Variants in KIF5A observed in about 807,000 individuals in gnomAD.
KIF5A encodes kinesin heavy chain isoform 5A.
A neutral mutation model predicts 141.3 loss-of-function variants in KIF5A; 35 were observed. That is an observed-to-expected ratio of 0.25 (90% CI 0.19 to 0.33). KIF5A has a LOEUF of 0.33. Ranked by LOEUF, KIF5A falls within the 10% of genes least tolerant of loss-of-function variation. The pLI, the probability that KIF5A is intolerant of heterozygous loss-of-function variation, is 1.00. For synonymous variants in KIF5A, 448 were observed against 500.2 expected, an observed-to-expected ratio of 0.90 and a Z score of 1.39; for missense variants, 861 against 1,314.3, an observed-to-expected ratio of 0.66 and a Z score of 5.33.
chr12:57,565,161 T>A (rs1226822583), intron 6 of KIF5A, among the ~76,000 whole-genome samples, 188 bp downstream of exon 6: 3 of 152,206 alleles, frequency 2.0e-5, no homozygotes, highest in Non-Finnish European at 4.4e-5. Flanking sequence ...GGCTCATACC[T>A]GTAATCCCAG....
chr12:57,564,781 C>A, intron 5 of KIF5A, 137 bp from the exon 6 acceptor site: 2 of 859,728 alleles, frequency 2.3e-6, no homozygotes, highest in South Asian at 2.8e-5. Context: ...GCCTTCAGCT[C>A]GTGCAGGGAG....
At chr12:57,580,567 G>A (rs1057256988) in intron 23 of KIF5A, among the ~76,000 whole-genome samples, 1 of 152,174 alleles carries the variant, frequency 6.6e-6, no homozygotes, top group African/African-American at 2.4e-5. Context: ...CTCTGGGGAA[G>A]CGGGTCCCTC....
chr12:57,580,172 C>T (rs541928567), intron 23 of KIF5A, among the ~76,000 whole-genome samples: 5 of 152,282 alleles, frequency 3.3e-5, no homozygotes, highest in East Asian at 1.9e-4. Flanking sequence ...CTGATTTACC[C>T]GCTGTCTTCC....
chr12:57,582,565 T>C (rs1334041417), intron 26 of KIF5A, 37 bp from the exon 27 acceptor site: 1 of 1,585,342 alleles, frequency 6.3e-7, no homozygotes, highest in Admixed American at 1.7e-5. Context: ...CCTTTTTTCT[T>C]CTTCTAATCC....
At chr12:57,556,173 C>G (rs1881736040) in intron 1 of KIF5A, among the ~76,000 whole-genome samples, 1 of 150,058 alleles carries the variant, frequency 6.7e-6, no homozygotes, top group Admixed American at 6.7e-5. Flanking sequence ...GAGTCTCGCT[C>G]TGTCACCCAG....
chr12:57,569,376 A>C lies in KIF5A; in HGVS notation c.940A>C (p.Thr314Pro). The part of the protein sequence containing the change: ...CSPSSYNDAE[T>P]KSTLMFGQRA... ...ACCATCCAGTTATAATGATGCAGAG[A>C]CCAAGTCCACCCTGATGTTTGGGCA... The change falls in exon 10 of 29, where the codon ACC becomes CCC. Residue 314 changes from threonine to proline, a missense_variant. This residue lies in a region of KIF5A where 146 missense variants were observed against 353.4 expected (regional missense o/e 0.41). Transcript: ENST00000455537. 6.2e-7 allele frequency: 1 copy of C among 1,613,988 alleles called. No homozygotes were observed. The highest frequency in any genetic ancestry group is 8.5e-7 in the Non-Finnish European group (1 of 1,179,972).
At chr12:57,565,377 C>T (rs147792242) in intron 6 of KIF5A, among the ~76,000 whole-genome samples, 42 of 151,966 alleles carry the variant, frequency 2.8e-4, no homozygotes, top group African/African-American at 9.6e-4. Flanking sequence ...GCCGAGATTG[C>T]GCCACTGCAC....
At chr12:57,562,544 C>T (rs887290701) in intron 1 of KIF5A, among the ~76,000 whole-genome samples, 3 of 152,178 alleles carry the variant, frequency 2.0e-5, no homozygotes, top group African/African-American at 4.8e-5. Context: ...AAAGCTTGTT[C>T]TGTTCTTAAA....
chr12:57,575,767 T>A lies in KIF5A; in HGVS notation c.2023+10T>A. ...AAGCTCCAGGCCCAGGGTGAGGCCT[T>A]CTTATACCTCCATCCCACTGTCCAG... is the stretch of plus-strand genomic sequence containing the variant. On this transcript the variant is annotated intron_variant, in intron 17 of 28. Coordinates refer to ENST00000455537, the MANE Select transcript of KIF5A (RefSeq NM_004984.4). The A allele has an allele frequency of 1.9e-6, 3 of 1,556,412 alleles. No individual in the cohort carries two copies. Among genetic ancestry groups the A allele is most frequent in the Non-Finnish European group, 2.7e-6 (3 of 1,127,348 alleles).
intron 20 of KIF5A, 129 bp downstream of exon 20, chr12:57,576,991 G>A (rs993098225): frequency 1.1e-5 from 8 of 700,226 alleles, no homozygotes; most frequent in African/African-American, 1.1e-4. Context: ...ATATGATGGG[G>A]TAGGGACGGG....
At position 57,586,234 on chromosome 12, in the gene KIF5A, G is replaced by A. The variant is rs1319299875; in HGVS notation, c.*2053G>A. 4 of 152,118 alleles carry A rather than the reference G, an allele frequency of 2.6e-5. No individual in the cohort carries two copies. Among genetic ancestry groups the A allele is most frequent in the Non-Finnish European group, 5.9e-5 (4 of 68,034 alleles). 9.4% of individuals were successfully genotyped at this position (152,118 alleles called of 1,614,324 possible). A position where few individuals can be genotyped will look rare whatever the true frequency, so the allele number is the denominator to read the frequency against. ...TCAGCAGGGCACTTAAGAATCCAGG[G>A]GGTTTTATGTAATGTTGCCACCACA... On this transcript the variant is annotated 3_prime_UTR_variant, in exon 29 of 29. Transcript: ENST00000455537.
At chr12:57,580,207 A>G (rs775244) in intron 23 of KIF5A, among the ~76,000 whole-genome samples, 133,298 of 152,112 alleles carry the variant, frequency 0.88, 60,861 homozygotes, top group Non-Finnish European at 1. Flanking sequence ...TTTGCAACCT[A>G]TAGTGCCCCC....
intron 1 of KIF5A, among the ~76,000 whole-genome samples, chr12:57,553,619 C>A (rs902763597): frequency 5.3e-5 from 8 of 152,188 alleles, no homozygotes; most frequent in Non-Finnish European, 7.3e-5. Flanking sequence ...TCAGCTTATA[C>A]CAAGTGCTTT....
rs1038261468 is a variant in KIF5A, at chr12:57,573,112, A to G, written c.1716+386A>G. 2.6e-5 allele frequency among the ~76,000 whole-genome samples: 4 copies of G among 152,222 alleles called. No individual in the cohort carries two copies. In the South Asian group the frequency reaches 6.2e-4, roughly 24 times the overall value. On this transcript the variant is annotated intron_variant, in intron 15 of 28. Coordinates refer to ENST00000455537, the MANE Select transcript of KIF5A (RefSeq NM_004984.4). ...AGACTGAGGCAGGAGAATCGCTTCA[A>G]CCTGGGAGGTAGAGGTTGCAGTGAA...
chr12:57,550,286 C>T lies in KIF5A; in HGVS notation c.15C>T (p.Asn5=), dbSNP rs1454798717. 2.5e-6 allele frequency: 4 copies of T among 1,614,196 alleles called. No homozygotes were observed. Among genetic ancestry groups the T allele is most frequent in the South Asian group, 2.2e-5 (2 of 91,092 alleles). ...CGGCTACCACCATGGCGGAGACCAA[C>T]AACGAATGTAGCATCAAGGTGCTCT... The part of the protein sequence containing the change: MAET[N]NECSIKVLCR... The change falls in exon 1 of 29, where the codon AAC becomes AAT. Residue 5 remains asparagine, a synonymous_variant. Coordinates refer to ENST00000455537, the MANE Select transcript of KIF5A (RefSeq NM_004984.4). This position sits in a 1 kb window ranked among gnomAD's most constrained non-coding sequence, Gnocchi z 4.6.
At chr12:57,576,658 G>A in intron 19 of KIF5A, 103 bp from the exon 20 acceptor site, 1 of 862,748 alleles carries the variant, frequency 1.2e-6, no homozygotes, top group Non-Finnish European at 2.0e-6. Flanking sequence ...AATTCTAACT[G>A]GACTCACTCG....
chr12:57,578,441 T>A (rs1882497123), intron 23 of KIF5A, 99 bp downstream of exon 23: 2 of 808,992 alleles, frequency 2.5e-6, no homozygotes, highest in Non-Finnish European at 4.3e-6. Flanking sequence ...TCTAGTTGCA[T>A]GTTTTCCTTA....
intron 1 of KIF5A, among the ~76,000 whole-genome samples, chr12:57,556,656 T>A (rs1320994800): frequency 4.6e-5 from 4 of 87,532 alleles, no homozygotes; most frequent in South Asian, 3.5e-4. Flanking sequence ...GTGTGGGGGC[T>A]GGGGTGGGGT....
chr12:57,575,716 A>G lies in KIF5A; in HGVS notation c.1982A>G (p.Tyr661Cys), dbSNP rs1477671960. The G allele has an allele frequency of 3.7e-6, 6 of 1,614,106 alleles. No individual in the cohort carries two copies. The highest frequency in any genetic ancestry group is 2.2e-5 in the East Asian group (1 of 44,902). ...ELKKRHLEESYDSLSDELAKL... is the reference protein window; with the variant it reads ...ELKKRHLEESCDSLSDELAKL... ...AAGAAGCGGCACCTGGAAGAGTCCT[A>G]TGACTCCTTGAGCGATGAGCTGGCC... The change falls in exon 17 of 29, where the codon TAT (tyrosine) becomes TGT (cysteine). Residue 661 changes from tyrosine to cysteine, a missense_variant. Tyr to Cys is a radical substitution (Grantham distance 194). Coordinates refer to ENST00000455537, the MANE Select transcript of KIF5A (RefSeq NM_004984.4).
Sources: allele counts gnomAD v4.1 joint callset (sites outside exome capture counted in the v4.1 genomes callset), GRCh38; gene constraint gnomAD v4.1.1; regional missense constraint gnomAD v4.1.1; non-coding constraint Gnocchi (gnomAD v3.1); transcripts MANE v1.5; gene names NCBI Gene and HGNC (gene_info 2026-07-23, HGNC 2026-07-21).